ARMH4: variants seen among roughly 807,000 people sequenced by gnomAD.
ARMH4 encodes armadillo like helical domain containing 4.
A neutral mutation model predicts 61.9 loss-of-function variants in ARMH4; 49 were observed. That is an observed-to-expected ratio of 0.79 (90% CI 0.63 to 1.00). The LOEUF (loss-of-function observed/expected upper bound fraction) is 1.00, where lower values mean the gene tolerates loss of function less well. Among genes scored for constraint, ARMH4 ranks in the 50% least tolerant of loss-of-function variants. ARMH4 has a pLI of 0.00. For synonymous variants in ARMH4, 368 were observed against 341.5 expected (o/e 1.08, Z -0.85); for missense variants, 934 against 930.0 (o/e 1.00, Z -0.06).
intron 5 of ARMH4, among the ~76,000 whole-genome samples, chr14:58,068,443 T>C (rs1045158471): frequency 2.0e-5 from 3 of 152,192 alleles, no homozygotes; most frequent in Admixed American, 2.0e-4. Context: ...GATAGCATCA[T>C]ATTTGCCTTA....
Position 58,140,274 on chromosome 14 carries a change from T to TAA in ARMH4, c.-56-861_-56-860insTT, listed in dbSNP as rs1566601534. Among the ~76,000 whole-genome samples, 4 of 72,372 alleles carry TAA rather than the reference T, an allele frequency of 5.5e-5. No individual in the cohort carries two copies. The East Asian group carries it at 1.0e-3, about 19-fold the overall frequency. 47.5% of individuals were successfully genotyped at this position (72,372 alleles called of 152,430 possible). A position where few individuals can be genotyped will look rare whatever the true frequency, so the allele number is the denominator to read the frequency against. On this transcript the variant is annotated intron_variant, in intron 1 of 7. Coordinates refer to ENST00000267485, the MANE Select transcript of ARMH4 (RefSeq NM_001001872.4). ...TAGGCAACAAGAGCAAAACTCCATC[T>TAA]CAAAAAAAAAAAAGAGAGACCCCAG...
chr14:58,138,765 T>C lies in ARMH4; in HGVS notation c.594A>G (p.Glu198=). 6.2e-7 allele frequency: 1 copy of C among 1,614,228 alleles called. No individual in the cohort carries two copies. The highest frequency in any genetic ancestry group is 8.5e-7 in the Non-Finnish European group (1 of 1,180,040). ...AAGGTGAATGTCCCAAACCAACTCC[T>C]TCCTGACTTTCAGTTGCAAATGATT... The part of the protein sequence containing the change: ...DNQSFATESQ[E]GVGLGHSPSS... Residue 198 remains glutamate (E), a synonymous_variant, in exon 2 of 8, where the codon GAA becomes GAG. Coordinates refer to ENST00000267485, the MANE Select transcript of ARMH4 (RefSeq NM_001001872.4).
Position 58,003,115 on chromosome 14 carries a change from A to G in ARMH4, c.*1621T>C, listed in dbSNP as rs1203405361. 1 of 152,154 alleles carries G rather than the reference A, an allele frequency of 6.6e-6. No individual in the cohort carries two copies. Among genetic ancestry groups the G allele is most frequent in the African/African-American group, 2.4e-5 (1 of 41,452 alleles). 9.4% of individuals were successfully genotyped at this position (152,154 alleles called of 1,614,324 possible). A position where few individuals can be genotyped will look rare whatever the true frequency, so the allele number is the denominator to read the frequency against. On this transcript the variant is annotated 3_prime_UTR_variant, in exon 8 of 8. Transcript: ENST00000267485. ...AAATTAGAAAGGCATCATTCATTTA[A>G]CAAAGATGGAAATTCACATCAAACG...
chr14:58,107,763 CAAAAA>C (rs34507217), intron 4 of ARMH4, among the ~76,000 whole-genome samples: 1 of 97,360 alleles, frequency 1.0e-5, no homozygotes, highest in East Asian at 2.8e-4. Context: ...GACTCCATCT[CAAAAA>C]AAAAAAAAAA....
chr14:58,059,389 T>C (rs573913810), intron 5 of ARMH4, among the ~76,000 whole-genome samples: 1 of 152,346 alleles, frequency 6.6e-6, no homozygotes, highest in East Asian at 1.9e-4. Context: ...CAGACAGTGA[T>C]ATCACTGTAG....
At chr14:58,083,952 A>G (rs192237544) in intron 5 of ARMH4, among the ~76,000 whole-genome samples, 1 of 152,346 alleles carries the variant, frequency 6.6e-6, no homozygotes, top group East Asian at 1.9e-4. Flanking sequence ...AATCTATAGG[A>G]GAATCATGAT....
Position 58,138,622 on chromosome 14 carries a change from T to G in ARMH4, c.737A>C (p.Glu246Ala). The change falls in exon 2 of 8, where the codon GAG becomes GCG. Residue 246 changes from glutamate to alanine, a missense_variant. Glu to Ala is a moderately radical substitution (Grantham distance 107). Coordinates refer to ENST00000267485, the MANE Select transcript of ARMH4 (RefSeq NM_001001872.4). ...CTTATCAGGGGTGAGGCTTCCAGGC[T>G]CACTGCCTGCTGTGGACTCAGCACC... is the stretch of plus-strand genomic sequence containing the variant. ...FPGAESTAGS[E>A]PGSLTPDKEK... 1 of 1,614,204 alleles carries G rather than the reference T, an allele frequency of 6.2e-7. No individual in the cohort carries two copies. Among genetic ancestry groups the G allele is most frequent in the Non-Finnish European group, 8.5e-7 (1 of 1,180,032 alleles).
intron 1 of ARMH4, among the ~76,000 whole-genome samples, chr14:58,149,668 G>A (rs1007394217): frequency 3.3e-5 from 5 of 152,172 alleles, no homozygotes; most frequent in Admixed American, 3.3e-4. Context: ...AAAGGAGATG[G>A]ACTTGAAGAT....
At chr14:58,020,282 G>A (rs1463517128) in intron 5 of ARMH4, among the ~76,000 whole-genome samples, 1 of 152,070 alleles carries the variant, frequency 6.6e-6, no homozygotes, top group African/African-American at 2.4e-5. Context: ...CAGCTCACGG[G>A]GCTTTCCTGA....
intron 1 of ARMH4, among the ~76,000 whole-genome samples, chr14:58,148,388 T>G (rs1887816294): frequency 6.6e-6 from 1 of 152,150 alleles, no homozygotes; most frequent in South Asian, 2.1e-4. Context: ...CGACCCATGG[T>G]TCCCTACCCA....
intron 5 of ARMH4, among the ~76,000 whole-genome samples, chr14:58,023,772 A>G (rs1169980355): frequency 2.0e-5 from 3 of 152,216 alleles, no homozygotes. Context: ...TTATTCCTTG[A>G]TCCATGAACT....
intron 5 of ARMH4, among the ~76,000 whole-genome samples, chr14:58,038,964 G>T (rs931279709): frequency 2.0e-5 from 3 of 152,154 alleles, no homozygotes; most frequent in African/African-American, 7.2e-5. Context: ...TGTCGTTGGG[G>T]TGCATAGGTA....
At chr14:58,018,141 TA>T (rs1882682637) in intron 5 of ARMH4, among the ~76,000 whole-genome samples, 1 of 152,096 alleles carries the variant, frequency 6.6e-6, no homozygotes, top group Non-Finnish European at 1.5e-5. Context: ...AATTAAAACT[TA>T]AATATAAGAC....
In ARMH4 at chr14:58,099,494, G is replaced by A. The variant is rs111436562; in HGVS notation, c.1832-2513C>T. Among the ~76,000 whole-genome samples the A allele has an allele frequency of 2.2e-3, 340 of 152,262 alleles. 1 individual carries two copies. Among genetic ancestry groups the A allele is most frequent in the African/African-American group, 7.3e-3 (303 of 41,548 alleles). On this transcript the variant is annotated intron_variant, in intron 4 of 7. Coordinates refer to ENST00000267485, the MANE Select transcript of ARMH4 (RefSeq NM_001001872.4). ...TCTGGCTTGGACATTGGGAGGGCAC[G>A]GGGGACCTTGACAAAAGTTGTTTTG...
At chr14:58,087,168 A>G (rs1885410723) in intron 5 of ARMH4, among the ~76,000 whole-genome samples, 3 of 152,066 alleles carry the variant, frequency 2.0e-5, no homozygotes, top group Non-Finnish European at 2.9e-5. Flanking sequence ...GGTTTGTTGT[A>G]TTTTCACTTT....
intron 5 of ARMH4, among the ~76,000 whole-genome samples, chr14:58,039,384 G>T (rs548051477): frequency 6.6e-6 from 1 of 152,072 alleles, no homozygotes; most frequent in African/African-American, 2.4e-5. Flanking sequence ...TTGAATTAAG[G>T]AAAAGAGAAA....
chr14:58,101,570 G>A (rs902891826), intron 4 of ARMH4: 1 of 151,564 alleles, frequency 6.6e-6, no homozygotes, highest in Non-Finnish European at 1.5e-5. Flanking sequence ...TGAGGTAATA[G>A]TCAATCCATA....
intron 4 of ARMH4, among the ~76,000 whole-genome samples, chr14:58,108,956 A>G (rs942646480): frequency 6.6e-6 from 1 of 152,166 alleles, no homozygotes; most frequent in African/African-American, 2.4e-5. Flanking sequence ...TCCATTCAGT[A>G]TCTGTGTGAG....
intron 5 of ARMH4, among the ~76,000 whole-genome samples, chr14:58,081,211 C>T (rs138766374): frequency 7.8e-4 from 119 of 152,290 alleles, no homozygotes; most frequent in African/African-American, 2.6e-3. Flanking sequence ...CCCCTCAAAG[C>T]GTGATCCACA....
Sources: allele counts gnomAD v4.1 joint callset (sites outside exome capture counted in the v4.1 genomes callset), GRCh38; gene constraint gnomAD v4.1.1; transcripts MANE v1.5; gene names NCBI Gene and HGNC (gene_info 2026-07-23, HGNC 2026-07-21).